The following PDE4D variants were observed in gnomAD, a reference collection of about 807,000 sequenced individuals.
PDE4D encodes the protein 3',5'-cyclic-AMP phosphodiesterase 4D.
A neutral mutation model predicts 87.4 loss-of-function variants in PDE4D; 24 were observed. The observed-to-expected ratio is 0.27, with a 90% confidence interval of 0.20 to 0.39. The LOEUF (loss-of-function observed/expected upper bound fraction) is 0.39. Ranked by LOEUF, PDE4D falls within the 10% of genes least tolerant of loss-of-function variation. PDE4D has a pLI of 1.00. For synonymous variants in PDE4D, 384 were observed against 383.2 expected, an observed-to-expected ratio of 1.00 and a Z score of -0.02; for missense variants, 714 against 1,041.0, an observed-to-expected ratio of 0.69 and a Z score of 4.32.
At chr5:59,602,254 T>A (rs1012096808) in intron 1 of PDE4D, among the ~76,000 whole-genome samples, 8 of 151,894 alleles carry the variant, frequency 5.3e-5, no homozygotes, top group Non-Finnish European at 8.8e-5. Context: ...ACAAATTAAG[T>A]ATAGAAGGAA....
At chr5:59,135,647 A>G (rs1051407055) in intron 5 of PDE4D, among the ~76,000 whole-genome samples, 1 of 152,132 alleles carries the variant, frequency 6.6e-6, no homozygotes, top group African/African-American at 2.4e-5. Context: ...TTATCTCATT[A>G]TTCTCTATAT....
intron 2 of PDE4D, among the ~76,000 whole-genome samples, chr5:60,158,538 T>C (rs545873908): frequency 2.1e-4 from 32 of 152,160 alleles, no homozygotes; most frequent in Non-Finnish European, 3.8e-4. Context: ...AACACTGTAC[T>C]CTTAAGCTAT....
At chr5:60,350,828 C>T (rs1269841894) in intron 1 of PDE4D, among the ~76,000 whole-genome samples, 1 of 152,062 alleles carries the variant, frequency 6.6e-6, no homozygotes, top group Non-Finnish European at 1.5e-5. Context: ...GCTCTAAAAA[C>T]ACCTAGACTG....
chr5:60,277,031 TC>T (rs1420759339), intron 1 of PDE4D, among the ~76,000 whole-genome samples: 1 of 152,042 alleles, frequency 6.6e-6, no homozygotes, highest in African/African-American at 2.4e-5. Context: ...GCTTTAAGTT[TC>T]TTCTGTTTGT....
intron 1 of PDE4D, among the ~76,000 whole-genome samples, chr5:59,407,867 A>G (rs1252667896): frequency 6.6e-6 from 1 of 152,182 alleles, no homozygotes; most frequent in Non-Finnish European, 1.5e-5. Context: ...TGCTTCTAAT[A>G]ACCTATGCTC....
chr5:59,714,398 G>A (rs1754683550), intron 1 of PDE4D, among the ~76,000 whole-genome samples: 1 of 152,198 alleles, frequency 6.6e-6, no homozygotes, highest in Non-Finnish European at 1.5e-5. Flanking sequence ...TGTTTGATTA[G>A]GGAACTGGCT....
At chr5:59,108,087 TTG>T (rs1771936658) in intron 5 of PDE4D, among the ~76,000 whole-genome samples, 1 of 152,204 alleles carries the variant, frequency 6.6e-6, no homozygotes, top group Admixed American at 6.5e-5. Context: ...AATAGAATGG[TTG>T]TGTTTCAAGA....
At chr5:59,019,434 C>CA (rs1156885586) in intron 6 of PDE4D, among the ~76,000 whole-genome samples, 1 of 152,112 alleles carries the variant, frequency 6.6e-6, no homozygotes, top group Non-Finnish European at 1.5e-5. Context: ...AATTATAGGA[C>CA]AATGTGCAAA....
intron 5 of PDE4D, among the ~76,000 whole-genome samples, chr5:59,111,816 A>G (rs1324165549): frequency 6.6e-6 from 1 of 152,232 alleles, no homozygotes; most frequent in African/African-American, 2.4e-5. Flanking sequence ...TGTGTAACAG[A>G]ACTGAGTACA....
At chr5:60,035,161 C>A (rs573600953) in intron 2 of PDE4D, among the ~76,000 whole-genome samples, 11 of 151,432 alleles carry the variant, frequency 7.3e-5, no homozygotes, top group African/African-American at 2.4e-4. Flanking sequence ...GAGGCTGAGG[C>A]AGGAGAATTG....
At chr5:59,898,366 G>A (rs1561835361), upstream of PDE4D, among the ~76,000 whole-genome samples, 2 of 152,180 alleles carry the variant, frequency 1.3e-5, no homozygotes, top group Admixed American at 6.5e-5. Flanking sequence ...GGAGTTTTGT[G>A]TCTTGCAGAG....
At chr5:60,415,748 C>T (rs906261834) in intron 1 of PDE4D, among the ~76,000 whole-genome samples, 1 of 152,240 alleles carries the variant, frequency 6.6e-6, no homozygotes, top group African/African-American at 2.4e-5. Context: ...CAAGCGCTGC[C>T]CCCTGCTCCA....
At chr5:59,641,024 G>T (rs575380748) in intron 1 of PDE4D, among the ~76,000 whole-genome samples, 1 of 152,052 alleles carries the variant, frequency 6.6e-6, no homozygotes, top group East Asian at 1.9e-4. Context: ...TTATTTTTCA[G>T]GTTTTTTAGG....
At chr5:59,034,342 C>T (rs1758124685) in intron 6 of PDE4D, among the ~76,000 whole-genome samples, 1 of 151,990 alleles carries the variant, frequency 6.6e-6, no homozygotes, top group Admixed American at 6.6e-5. Context: ...ATGTAGAAAA[C>T]AACTGAGGCT....
chr5:58,999,561 A>T, intron 6 of PDE4D: 1 of 1,182,164 alleles, frequency 8.5e-7, no homozygotes, highest in Non-Finnish European at 1.1e-6. Flanking sequence ...ATGTATATAT[A>T]TATATATGTA....
intron 1 of PDE4D, among the ~76,000 whole-genome samples, chr5:60,426,823 A>G: frequency 6.6e-6 from 1 of 152,224 alleles, no homozygotes; most frequent in East Asian, 1.9e-4. Context: ...TATATGTCCA[A>G]AGAATGACAG....
chr5:60,165,089 G>A (rs1056427136), intron 2 of PDE4D, among the ~76,000 whole-genome samples: 1 of 152,022 alleles, frequency 6.6e-6, no homozygotes. Flanking sequence ...TTATTTCTAT[G>A]AGATCAATGA....
intron 2 of PDE4D, among the ~76,000 whole-genome samples, chr5:60,009,664 C>T (rs1432353141): frequency 6.6e-6 from 1 of 151,960 alleles, no homozygotes; most frequent in South Asian, 2.1e-4. Flanking sequence ...AACCAGGGAC[C>T]TCAAATCAAA....
At chr5:59,802,240 A>G (rs966947737) in intron 1 of PDE4D, among the ~76,000 whole-genome samples, 7 of 150,080 alleles carry the variant, frequency 4.7e-5, no homozygotes, top group Non-Finnish European at 3.0e-5. Flanking sequence ...TTTTGTTTTC[A>G]TTTTTTTTTT....
Sources: allele counts gnomAD v4.1 joint callset (sites outside exome capture counted in the v4.1 genomes callset), GRCh38; gene constraint gnomAD v4.1.1; transcripts MANE v1.5; gene names NCBI Gene and HGNC (gene_info 2026-07-23, HGNC 2026-07-21).